The following NAA16 variants were observed in gnomAD, a reference collection of about 807,000 sequenced individuals.
NAA16 encodes N-alpha-acetyltransferase 16, NatA auxiliary subunit.
NAA16 carries 97 observed loss-of-function variants against 110.3 expected under a neutral mutation model. The ratio of observed to expected loss-of-function variants is 0.88; its 90% CI spans 0.75 to 1.04. The LOEUF is 1.04. Among genes scored for constraint, NAA16 ranks in the 50% least tolerant of loss-of-function variants. NAA16 has a pLI of 0.00. For missense variants in NAA16, 1,017 were observed against 1,005.1 expected, an observed-to-expected ratio of 1.01 and a Z score of -0.16; for synonymous variants, 372 against 330.6, an observed-to-expected ratio of 1.13 and a Z score of -1.36.
Position 41,325,834 on chromosome 13 carries a change from T to C in NAA16, c.674T>C (p.Leu225Ser), listed in dbSNP as rs762053952. Residue 225 changes from leucine to serine, a missense_variant, in exon 6 of 20, where the codon TTG becomes TCG. Physicochemically the swap from Leu to Ser is moderately radical, Grantham distance 145 (BLOSUM62 -2). Coordinates refer to ENST00000379406, the MANE Select transcript of NAA16 (RefSeq NM_024561.5). ...MYEKQICDKLLVEEIKGEILL... is the reference protein window; with the variant it reads ...MYEKQICDKLSVEEIKGEILL... Reference sequence around the variant, plus strand: ...GAGAAACAAATATGTGATAAACTTTTGGTGGAAGAAATTAAAGGTAAGTTG... The same window carrying C: ...GAGAAACAAATATGTGATAAACTTTCGGTGGAAGAAATTAAAGGTAAGTTG... The C allele has an allele frequency of 6.2e-7, 1 of 1,600,442 alleles. No individual in the cohort carries two copies. Among genetic ancestry groups the C allele is most frequent in the Non-Finnish European group, 8.5e-7 (1 of 1,175,200 alleles).
intron 2 of NAA16, 68 bp from the exon 3 acceptor site, chr13:41,318,738 G>A (rs759331441): frequency 4.3e-6 from 3 of 700,250 alleles, no homozygotes; most frequent in South Asian, 3.6e-5. Flanking sequence ...AACTATTAAA[G>A]TACTATTAAG....
chr13:41,331,376 T>C lies in NAA16; in HGVS notation c.907+7T>C, dbSNP rs928747044. On this transcript the variant is annotated splice_region_variant and intron_variant, in intron 8 of 19. Transcript: ENST00000379406. ...CCTTTGACTCTTGTCCCAGGTAATA[T>C]TAAGATGTCTTTTATAATATTAATT... The C allele has an allele frequency of 6.6e-6, 10 of 1,518,842 alleles. No individual in the cohort carries two copies. The African/African-American group carries it at 1.1e-4, about 17-fold the overall frequency. The allele number at this position is 1,518,842 out of a possible 1,614,324, so 94.1% of individuals were successfully genotyped here. A position where few individuals can be genotyped will look rare whatever the true frequency, so the allele number is the denominator to read the frequency against.
intron 7 of NAA16, 113 bp from the exon 8 acceptor site, chr13:41,331,161 T>C (rs1453217213): frequency 3.3e-6 from 2 of 614,008 alleles, no homozygotes; most frequent in East Asian, 5.6e-5. Context: ...TGAAAGCAGC[T>C]TTAATATTGT....
At position 41,320,658 on chromosome 13, in the gene NAA16, A is replaced by C; in HGVS notation, c.245-9A>C. ...GTCTGTGTATGTCTTTGTTTCCTTA[A>C]CTTAATAGGTTGGCATGTATATGGA... On this transcript the variant is annotated splice_polypyrimidine_tract_variant and intron_variant, in intron 3 of 19. Coordinates refer to ENST00000379406, the MANE Select transcript of NAA16 (RefSeq NM_024561.5). The C allele has an allele frequency of 6.3e-7, 1 of 1,589,510 alleles. No homozygotes were observed.
intron 9 of NAA16, among the ~76,000 whole-genome samples, 157 bp from the exon 10 acceptor site, chr13:41,354,987 C>T (rs924349984): frequency 2.1e-5 from 3 of 145,340 alleles, no homozygotes; most frequent in East Asian, 2.2e-4. Context: ...GGGAAATACT[C>T]ATGTTAGGAA....
intron 2 of NAA16, among the ~76,000 whole-genome samples, chr13:41,318,150 GCTGTGGAAC>G (rs1411078283): frequency 1.3e-5 from 2 of 151,998 alleles, no homozygotes; most frequent in Non-Finnish European, 1.5e-5. Context: ...TTAGGTAAGA[GCTGTGGAAC>G]TGCTATGGTA....
rs1289772953 is a variant in NAA16, at chr13:41,358,367, T to C, written c.1151T>C (p.Phe384Ser). Residue 384 changes from phenylalanine (F) to serine (S), a missense_variant, in exon 11 of 20, where the codon TTT (phenylalanine) becomes TCT (serine). Physicochemically the swap from Phe to Ser is radical, Grantham distance 155. Transcript: ENST00000379406. ...LWVQYFLAQHFDKLGQYSLAL... is the reference protein window; with the variant it reads ...LWVQYFLAQHSDKLGQYSLAL... ...GTTCAGTATTTCCTGGCACAGCACT[T>C]TGATAAACTTGGACAGTATTCTTTG... The C allele has an allele frequency of 6.2e-7, 1 of 1,614,016 alleles. No individual in the cohort carries two copies. The highest frequency in any genetic ancestry group is 1.1e-5 in the South Asian group (1 of 91,078).
chr13:41,353,799 A>ACACC (rs1555287483), intron 9 of NAA16, among the ~76,000 whole-genome samples: 118 of 136,160 alleles, frequency 8.7e-4, no homozygotes, highest in African/African-American at 3.4e-3. Flanking sequence ...ACACACACAC[A>ACACC]CACCCCAAAA....
At chr13:41,341,678 C>T (rs2042550282) in intron 9 of NAA16, among the ~76,000 whole-genome samples, 1 of 152,178 alleles carries the variant, frequency 6.6e-6, no homozygotes, top group African/African-American at 2.4e-5. Flanking sequence ...GATCAGGCCA[C>T]TGCACTCCAG....
At chr13:41,327,846 T>TA (rs2139403258) in intron 6 of NAA16, 1 of 152,012 alleles carries the variant, frequency 6.6e-6, no homozygotes, top group South Asian at 2.1e-4. Context: ...GTGGAGTTGG[T>TA]AATTATTCCT....
intron 4 of NAA16, 43 bp from the exon 5 acceptor site, chr13:41,323,013 A>T: frequency 6.5e-7 from 1 of 1,549,446 alleles, no homozygotes; most frequent in Non-Finnish European, 8.9e-7. Flanking sequence ...CTGATGAAAT[A>T]ATGTTTTAGA....
intron 8 of NAA16, among the ~76,000 whole-genome samples, chr13:41,334,914 C>T (rs76794221): frequency 1.4e-5 from 2 of 147,914 alleles, no homozygotes; most frequent in Admixed American, 6.8e-5. Flanking sequence ...TCACCCCCCC[C>T]ACTGTGCTTT....
chr13:41,326,009 C>T (rs1035328480), intron 6 of NAA16, among the ~76,000 whole-genome samples, 158 bp downstream of exon 6: 1 of 152,082 alleles, frequency 6.6e-6, no homozygotes, highest in African/African-American at 2.4e-5. Context: ...CTCATAACAA[C>T]CCTATGTTGT....
At chr13:41,328,092 G>A (rs2042140470) in intron 6 of NAA16, 1 of 151,968 alleles carries the variant, frequency 6.6e-6, no homozygotes, top group Non-Finnish European at 1.5e-5. Flanking sequence ...CTTGGATTAG[G>A]TGTGTTTCCA....
chr13:41,375,346 GTT>G, intron 19 of NAA16, 57 bp from the exon 20 acceptor site: 1 of 1,247,122 alleles, frequency 8.0e-7, no homozygotes, highest in Non-Finnish European at 1.1e-6. Context: ...GATTAAAGTG[GTT>G]ATTAACTGCG....
intron 4 of NAA16, among the ~76,000 whole-genome samples, chr13:41,321,734 C>T (rs1247045471): frequency 1.3e-5 from 2 of 150,730 alleles, no homozygotes; most frequent in South Asian, 2.1e-4. Flanking sequence ...TAGTCCACTT[C>T]GTATCCTAGA....
intron 6 of NAA16, among the ~76,000 whole-genome samples, chr13:41,326,481 T>C (rs564022380): frequency 2.6e-5 from 4 of 152,350 alleles, no homozygotes; most frequent in East Asian, 1.9e-4. Flanking sequence ...ATAGCTAATA[T>C]AGATTTTAAA....
intron 8 of NAA16, 122 bp from the exon 9 acceptor site, chr13:41,336,528 T>C: frequency 1.7e-6 from 1 of 576,020 alleles, no homozygotes; most frequent in South Asian, 2.4e-5. Flanking sequence ...CTATGACTTT[T>C]TGGGTTTATA....
At chr13:41,340,768 C>G (rs1225440240) in intron 9 of NAA16, among the ~76,000 whole-genome samples, 1 of 144,854 alleles carries the variant, frequency 6.9e-6, no homozygotes, top group Non-Finnish European at 1.5e-5. Context: ...GCTCCGCCTC[C>G]CGGGTTCACG....
Sources: gnomAD v4.1 joint callset for allele counts (sites outside exome capture counted in the v4.1 genomes callset) on GRCh38, gnomAD v4.1.1 for gene constraint, MANE v1.5 for transcripts, NCBI Gene and HGNC (gene_info 2026-07-23, HGNC 2026-07-21) for gene names.